RIN3: variants seen among roughly 807,000 people sequenced by gnomAD.
RIN3 encodes Ras and Rab interactor 3.
In RIN3, 54 loss-of-function variants were observed where a neutral mutation model predicts 76.3. The ratio of observed to expected loss-of-function variants is 0.71; its 90% confidence interval spans 0.57 to 0.89. The LOEUF is 0.89. Ranked by LOEUF, RIN3 falls within the 40% of genes least tolerant of loss-of-function variation. RIN3 has a pLI of 0.00. For synonymous variants in RIN3, 576 were observed against 564.0 expected (o/e 1.02, Z -0.30); for missense variants, 1,256 against 1,322.1 (o/e 0.95, Z 0.78).
chr14:92,661,723 T>TCACACACACACACACACA (rs778646491), intron 7 of RIN3, among the ~76,000 whole-genome samples: 4 of 134,878 alleles, frequency 3.0e-5, no homozygotes, highest in African/African-American at 1.1e-4. Context: ...TGAGACTCTG[T>TCACACACACACACACACA]CACACACACA....
At chr14:92,653,731 A>G (rs1198945259) in intron 6 of RIN3, among the ~76,000 whole-genome samples, 3 of 152,236 alleles carry the variant, frequency 2.0e-5, no homozygotes, top group Non-Finnish European at 4.4e-5. Flanking sequence ...TATTAAAAAT[A>G]TTCAGGCCAG....
In RIN3 at chr14:92,623,027, C is replaced by T. The variant is rs1361620487; in HGVS notation, c.440+7548C>T. On this transcript the variant is annotated intron_variant, in intron 4 of 9. Coordinates refer to ENST00000216487, the MANE Select transcript of RIN3 (RefSeq NM_024832.5). This position sits in a 1 kb window ranked among gnomAD's most constrained non-coding sequence, Gnocchi z 4.9. The stretch of plus-strand genomic sequence containing the variant: ...CTCTATAAGTCTTTGGACTAGTCCA[C>T]GAATGCAGGGCATGATGCAGCATCC... Among the ~76,000 whole-genome samples the T allele has an allele frequency of 9.2e-5, 14 of 152,184 alleles. No homozygotes were observed. Among genetic ancestry groups the T allele is most frequent in the Admixed American group, 6.5e-4 (10 of 15,280 alleles).
chr14:92,687,780 C>A, intron 9 of RIN3, 146 bp from the exon 10 acceptor site: 1 of 697,936 alleles, frequency 1.4e-6, no homozygotes, highest in Non-Finnish European at 2.2e-6. Flanking sequence ...AGGCTCGCGG[C>A]AGAGACGGGA....
Position 92,514,005 on chromosome 14 carries a change from C to T in RIN3, c.44+29C>T. ...AGTCCGGGCGGCCGCCCCCTCCTCC[C>T]TCGCGATCCCCACGGCCCGCGTCCT... On this transcript the variant is annotated intron_variant, in intron 1 of 9. Coordinates refer to ENST00000216487, the MANE Select transcript of RIN3 (RefSeq NM_024832.5). The surrounding 1 kb of genome is among the most constrained non-coding windows in gnomAD (Gnocchi z 7.2). 2 of 1,226,986 alleles carry T rather than the reference C, an allele frequency of 1.6e-6. No individual in the cohort carries two copies. The highest frequency in any genetic ancestry group is 2.0e-6 in the Non-Finnish European group (2 of 981,614). 76.0% of individuals were successfully genotyped at this position (1,226,986 alleles called of 1,614,324 possible). A position where few individuals can be genotyped will look rare whatever the true frequency, so the allele number is the denominator to read the frequency against.
At chr14:92,678,007 A>C (rs1888529359) in intron 8 of RIN3, among the ~76,000 whole-genome samples, 1 of 125,734 alleles carries the variant, frequency 8.0e-6, no homozygotes. Context: ...ACCCATCCAC[A>C]TTTCCATCTA....
chr14:92,514,925 G>A lies in RIN3; in HGVS notation c.44+949G>A, dbSNP rs1381249239. 6.6e-6 allele frequency among the ~76,000 whole-genome samples: 1 copy of A among 152,190 alleles called. No homozygotes were observed. The highest frequency in any genetic ancestry group is 6.5e-5 in the Admixed American group (1 of 15,284). Reference sequence around the variant, plus strand: ...CCCAGCTTTTTGGTTTAAAAGTCCCGGGCCTACTTCTCTGATGGACACCCT... The same window carrying A: ...CCCAGCTTTTTGGTTTAAAAGTCCCAGGCCTACTTCTCTGATGGACACCCT... On this transcript the variant is annotated intron_variant, in intron 1 of 9. Transcript: ENST00000216487. This position sits in a 1 kb window ranked among gnomAD's most constrained non-coding sequence, Gnocchi z 7.2.
intron 1 of RIN3, among the ~76,000 whole-genome samples, chr14:92,537,244 A>C (rs911818722): frequency 1.6e-4 from 24 of 152,202 alleles, no homozygotes; most frequent in Admixed American, 1.4e-3. Context: ...GGGTTGTTTC[A>C]TATGGTACTA....
At chr14:92,639,935 ACTGTGC>A in intron 4 of RIN3, among the ~76,000 whole-genome samples, 1 of 144,974 alleles carries the variant, frequency 6.9e-6, no homozygotes, top group Admixed American at 6.9e-5. Context: ...GGGCTGCCTG[ACTGTGC>A]GTTTGCTGGG....
At chr14:92,517,488 C>A (rs1284018971) in intron 1 of RIN3, among the ~76,000 whole-genome samples, 1 of 152,024 alleles carries the variant, frequency 6.6e-6, no homozygotes, top group Admixed American at 6.5e-5. Flanking sequence ...TAAATGACAC[C>A]CAAGGCCCCT....
intron 1 of RIN3, among the ~76,000 whole-genome samples, chr14:92,537,604 T>C (rs1207979503): frequency 6.7e-6 from 1 of 150,214 alleles, no homozygotes; most frequent in Non-Finnish European, 1.5e-5. Context: ...AACTTATGCT[T>C]CCACCAGCTA....
intron 1 of RIN3, among the ~76,000 whole-genome samples, chr14:92,542,138 A>G (rs1355693496): frequency 1.3e-5 from 2 of 152,184 alleles, no homozygotes; most frequent in Non-Finnish European, 2.9e-5. Flanking sequence ...AAAATAAAAA[A>G]TTAGCCAGGT....
In RIN3 at chr14:92,577,361, TG is replaced by T; in HGVS notation, c.252del (p.Met84IlefsTer22). ...CTGCATCCCCTTCTTTGGTTTCAGA[TG>T]TTCCTGGTTCGCCGGGACAGCAGCT... ...ARILHRVVAG[M>X]FLVRRDSSSK... On this transcript the variant is annotated frameshift_variant and splice_region_variant, in exon 3 of 10. Transcript: ENST00000216487. LOFTEE classifies it high-confidence loss of function. 1.2e-6 allele frequency: 2 copies of T among 1,611,426 alleles called. No individual in the cohort carries two copies. The highest frequency in any genetic ancestry group is 1.7e-6 in the Non-Finnish European group (2 of 1,177,898).
chr14:92,677,486 C>T (rs1270585710), intron 8 of RIN3, among the ~76,000 whole-genome samples: 1 of 152,170 alleles, frequency 6.6e-6, no homozygotes, highest in Non-Finnish European at 1.5e-5. Context: ...TTGCATGTTC[C>T]AGTCTCTGGG....
At chr14:92,659,056 T>C in intron 6 of RIN3, 105 bp from the exon 7 acceptor site, 12 of 1,078,988 alleles carry the variant, frequency 1.1e-5, no homozygotes, top group Non-Finnish European at 1.7e-5. Flanking sequence ...TGAGTGTCCT[T>C]CCAGGGGCCA....
rs34005662 is a variant in RIN3 at position 92,680,200 on chromosome 14, C to CTTTT, written c.2467+3608_2467+3611dup. Among the ~76,000 whole-genome samples, 69 of 134,296 alleles carry CTTTT rather than the reference C, an allele frequency of 5.1e-4. 2 individuals are homozygous for CTTTT. The South Asian group carries it at 0.016, about 32-fold the overall frequency. 88.1% of individuals were successfully genotyped at this position (134,296 alleles called of 152,430 possible). On this transcript the variant is annotated intron_variant, in intron 8 of 9. Transcript: ENST00000216487. ...GAAGGGACAGGACAGCTCTCTGGCA[C>CTTTT]TTTTTTTTTTTTTTTTTGAGACAGA...
At chr14:92,597,677 G>A (rs1365940345) in intron 3 of RIN3, among the ~76,000 whole-genome samples, 34 of 152,070 alleles carry the variant, frequency 2.2e-4, no homozygotes, top group Admixed American at 2.2e-3. Flanking sequence ...TCTCTCTCCT[G>A]GGCTTCCTCA....
In RIN3 at chr14:92,648,786, C is replaced by T. The variant is rs1299670663; in HGVS notation, c.533-2796C>T. On this transcript the variant is annotated intron_variant, in intron 5 of 9. Coordinates refer to ENST00000216487, the MANE Select transcript of RIN3 (RefSeq NM_024832.5). The surrounding 1 kb of genome is among the most constrained non-coding windows in gnomAD (Gnocchi z 4.1). The stretch of plus-strand genomic sequence containing the variant: ...ATGGTCACTGCTGTCACAGGCATAT[C>T]AGAGCTGCAGGAACACAGGCGGGGT... 6.6e-6 allele frequency among the ~76,000 whole-genome samples: 1 copy of T among 152,218 alleles called. No homozygotes were observed. The highest frequency in any genetic ancestry group is 1.5e-5 in the Non-Finnish European group (1 of 68,044).
chr14:92,666,475 C>A (rs1170298732), intron 7 of RIN3, among the ~76,000 whole-genome samples: 1 of 152,158 alleles, frequency 6.6e-6, no homozygotes, highest in Non-Finnish European at 1.5e-5. Context: ...TCGAGTGTGT[C>A]TTCTCCTGTC....
At chr14:92,564,824 A>G (rs114785307) in intron 2 of RIN3, among the ~76,000 whole-genome samples, 3,025 of 152,216 alleles carry the variant, frequency 0.02, 101 homozygotes, top group African/African-American at 0.069. Flanking sequence ...GCGCACACAC[A>G]CGCGCGCGCG....
Sources: allele counts gnomAD v4.1 joint callset (sites outside exome capture counted in the v4.1 genomes callset), GRCh38; gene constraint gnomAD v4.1.1; non-coding constraint Gnocchi (gnomAD v3.1); transcripts MANE v1.5; gene names NCBI Gene and HGNC (gene_info 2026-07-23, HGNC 2026-07-21).